Variants in TACC1 observed in about 807,000 individuals in gnomAD.
The protein encoded by TACC1 is transforming acidic coiled-coil containing protein 1, also known as transforming acidic coiled-coil-containing protein 1.
Under a neutral mutation model 84.4 loss-of-function variants are expected in TACC1, and 48 were observed. The observed-to-expected ratio is 0.57, with a 90% CI of 0.45 to 0.72. The LOEUF is 0.72. Ranked by LOEUF, TACC1 falls within the 30% of genes least tolerant of loss-of-function variation. The pLI, the probability that TACC1 is intolerant of heterozygous loss-of-function variation, is 0.00. For synonymous variants in TACC1, 372 were observed against 376.3 expected (o/e 0.99, Z 0.13); for missense variants, 920 against 973.0 (o/e 0.95, Z 0.72).
chr8:38,821,061 T>G (rs1354561416), intron 3 of TACC1, among the ~76,000 whole-genome samples: 1 of 152,036 alleles, frequency 6.6e-6, no homozygotes, highest in Non-Finnish European at 1.5e-5. Flanking sequence ...AAAAATTAGC[T>G]GGGCGTGGTG....
intron 2 of TACC1, among the ~76,000 whole-genome samples, chr8:38,806,450 G>C (rs923752325): frequency 1.3e-5 from 2 of 151,686 alleles, no homozygotes; most frequent in Non-Finnish European, 2.9e-5. Flanking sequence ...TGGTCTGCCT[G>C]TGTGTGTGTG....
intron 6 of TACC1, among the ~76,000 whole-genome samples, chr8:38,835,563 TACA>T (rs1830061830): frequency 6.6e-6 from 1 of 152,240 alleles, no homozygotes; most frequent in African/African-American, 2.4e-5. Context: ...CAGGCTGGGT[TACA>T]GCAGGAGGTC....
chr8:38,760,644 C>G (rs138457274), intron 3 of TACC1, among the ~76,000 whole-genome samples: 16 of 152,238 alleles, frequency 1.1e-4, no homozygotes, highest in African/African-American at 3.6e-4. Flanking sequence ...CTGCCTCAGC[C>G]TCCTGAGTAG....
intron 3 of TACC1, among the ~76,000 whole-genome samples, chr8:38,774,187 C>T (rs62505810): frequency 0.2 from 30,534 of 152,240 alleles, 3,601 homozygotes; most frequent in Non-Finnish European, 0.27. Flanking sequence ...GTCTGTCACT[C>T]CTTCAGAGCA....
rs1832830024 is a variant in TACC1, at chr8:38,849,579, A to G, written c.*1556A>G. On this transcript the variant is annotated 3_prime_UTR_variant, in exon 13 of 13. Coordinates refer to ENST00000317827, the MANE Select transcript of TACC1 (RefSeq NM_006283.3). The stretch of plus-strand genomic sequence containing the variant: ...GAATTGTGCCTAGTGGAGAACCTCT[A>G]TAGATCTTAAAAAATGAATTATTCT... 1 of 152,244 alleles carries G rather than the reference A, an allele frequency of 6.6e-6. No homozygotes were observed. The allele number at this position is 152,244 out of a possible 1,614,324, so 9.4% of individuals were successfully genotyped here. A position where few individuals can be genotyped will look rare whatever the true frequency, so the allele number is the denominator to read the frequency against.
chr8:38,830,919 G>A (rs1320826815), intron 5 of TACC1, among the ~76,000 whole-genome samples: 1 of 152,196 alleles, frequency 6.6e-6, no homozygotes, highest in Non-Finnish European at 1.5e-5. Context: ...GTTTGTGGCT[G>A]ACTAACCATG....
intron 3 of TACC1, among the ~76,000 whole-genome samples, chr8:38,779,175 A>G (rs958022072): frequency 3.3e-5 from 5 of 151,858 alleles, no homozygotes; most frequent in South Asian, 2.1e-4. Context: ...GGGTTTTGCT[A>G]TGTTGCTCAG....
At chr8:38,757,175 C>T (rs1587319693) in intron 3 of TACC1, 4 of 884,124 alleles carry the variant, frequency 4.5e-6, no homozygotes, top group South Asian at 4.3e-5. Flanking sequence ...CCTCCTTCCC[C>T]GCTTTCCCAG....
chr8:38,844,545 CCATT>C (rs1182072412), intron 11 of TACC1, among the ~76,000 whole-genome samples: 8 of 152,254 alleles, frequency 5.3e-5, no homozygotes, highest in Admixed American at 2.6e-4. Flanking sequence ...ATATATTTCA[CCATT>C]CATTTATTAA....
At chr8:38,798,991 T>G (rs977964004) in intron 2 of TACC1, among the ~76,000 whole-genome samples, 3 of 152,052 alleles carry the variant, frequency 2.0e-5, no homozygotes, top group African/African-American at 7.2e-5. Flanking sequence ...GACATGAAAC[T>G]GGGGGAAAAA....
chr8:38,763,429 T>C (rs1167856957), intron 3 of TACC1, among the ~76,000 whole-genome samples: 1 of 152,176 alleles, frequency 6.6e-6, no homozygotes, highest in Non-Finnish European at 1.5e-5. Context: ...AGTGCTAAGA[T>C]TACAGGTGTG....
At chr8:38,845,163 G>C (rs1831981136) in intron 11 of TACC1, among the ~76,000 whole-genome samples, 1 of 152,194 alleles carries the variant, frequency 6.6e-6, no homozygotes, top group African/African-American at 2.4e-5. Context: ...GACCTCAAGT[G>C]ATCCGCCCGC....
chr8:38,799,063 A>G (rs1820707012), intron 2 of TACC1, among the ~76,000 whole-genome samples: 1 of 152,216 alleles, frequency 6.6e-6, no homozygotes, highest in African/African-American at 2.4e-5. Flanking sequence ...CAGTCTCCTC[A>G]GGGCAGACCA....
intron 3 of TACC1, among the ~76,000 whole-genome samples, chr8:38,766,399 G>A (rs531587369): frequency 7.6e-4 from 115 of 152,314 alleles, no homozygotes; most frequent in Middle Eastern, 3.4e-3. Context: ...AAACTTTAGA[G>A]TCCTGTCTAT....
At chr8:38,805,744 C>T (rs1209683690) in intron 2 of TACC1, 1 of 152,146 alleles carries the variant, frequency 6.6e-6, no homozygotes, top group African/African-American at 2.4e-5. Context: ...GGCTTCAGGT[C>T]CTGGCAAAAC....
upstream of TACC1, chr8:38,785,855 G>A (rs1223109543): frequency 2.5e-5 from 10 of 392,850 alleles, no homozygotes; most frequent in Non-Finnish European, 3.5e-5. Context: ...TTATTTCTGG[G>A]AAGAAGCCAG....
intron 1 of TACC1, among the ~76,000 whole-genome samples, chr8:38,736,227 CT>C (rs1275170974): frequency 6.6e-6 from 1 of 152,204 alleles, no homozygotes; most frequent in African/African-American, 2.4e-5. Context: ...GATAGTCTCC[CT>C]CTCTCAGAAA....
chr8:38,744,394 G>A (rs777976082), intron 2 of TACC1, among the ~76,000 whole-genome samples: 3 of 152,032 alleles, frequency 2.0e-5, no homozygotes, highest in Non-Finnish European at 2.9e-5. Flanking sequence ...GGGATTACAG[G>A]CAGGAGCCAC....
chr8:38,800,776 T>C (rs1322522757), intron 2 of TACC1, among the ~76,000 whole-genome samples: 2 of 152,218 alleles, frequency 1.3e-5, no homozygotes, highest in Non-Finnish European at 2.9e-5. Flanking sequence ...GGAGTAGAAT[T>C]GCTAGGCCAT....
Sources: gnomAD v4.1 joint callset for allele counts (sites outside exome capture counted in the v4.1 genomes callset) on GRCh38, gnomAD v4.1.1 for gene constraint, MANE v1.5 for transcripts, NCBI Gene and HGNC (gene_info 2026-07-23, HGNC 2026-07-21) for gene names.